PALS2: variants seen among roughly 807,000 people sequenced by gnomAD.
The protein encoded by PALS2 is protein PALS2.
Under a neutral mutation model 61.6 loss-of-function variants are expected in PALS2, and 27 were observed. The observed-to-expected ratio is 0.44, with a 90% confidence interval of 0.32 to 0.60. The LOEUF (loss-of-function observed/expected upper bound fraction) is 0.60. Among genes scored for constraint, PALS2 ranks in the 20% least tolerant of loss-of-function variants. The pLI, the probability that PALS2 is intolerant of heterozygous loss-of-function variation, is 0.05. For missense variants in PALS2, 554 were observed against 639.4 expected, an observed-to-expected ratio of 0.87 and a Z score of 1.44; for synonymous variants, 236 against 218.6, an observed-to-expected ratio of 1.08 and a Z score of -0.70.
chr7:24,681,436 A>C (rs1331884398), intron 11 of PALS2, among the ~76,000 whole-genome samples: 1 of 152,152 alleles, frequency 6.6e-6, no homozygotes, highest in African/African-American at 2.4e-5. Context: ...AGAGATAAAG[A>C]CATTTAAAAC....
rs1394906144 is a variant in PALS2 at position 24,693,763 on chromosome 7, T to G, written c.*6149T>G. 1 of 152,180 alleles carries G rather than the reference T, an allele frequency of 6.6e-6. No homozygotes were observed. The allele number at this position is 152,180 out of a possible 1,614,324, so 9.4% of individuals were successfully genotyped here. ...ATTTTTTTTTAAAGAAGTGATATGT[T>G]GGACTCTGTTGTAGAAGAATGAGCA... On this transcript the variant is annotated 3_prime_UTR_variant, in exon 12 of 12. Coordinates refer to ENST00000222644, the MANE Select transcript of PALS2 (RefSeq NM_001303037.2).
At chr7:24,644,746 A>T (rs182265842) in intron 3 of PALS2, among the ~76,000 whole-genome samples, 18 of 152,216 alleles carry the variant, frequency 1.2e-4, no homozygotes, top group Admixed American at 1.2e-3. Flanking sequence ...TGGTTGAGCT[A>T]ATATACATTC....
intron 5 of PALS2, among the ~76,000 whole-genome samples, chr7:24,651,801 A>T (rs1451626936): frequency 6.6e-6 from 1 of 152,190 alleles, no homozygotes; most frequent in Non-Finnish European, 1.5e-5. Flanking sequence ...CTTATTTCAT[A>T]TTGTTAAAAT....
intron 10 of PALS2, among the ~76,000 whole-genome samples, chr7:24,679,864 A>G (rs1261126419): frequency 2.0e-5 from 3 of 152,070 alleles, no homozygotes; most frequent in African/African-American, 4.8e-5. Context: ...TATGCCTTAA[A>G]TACAAATATA....
At chr7:24,624,425 C>A (rs1051710039) in intron 2 of PALS2, among the ~76,000 whole-genome samples, 1 of 152,044 alleles carries the variant, frequency 6.6e-6, no homozygotes, top group African/African-American at 2.4e-5. Context: ...CTTCTTTGAT[C>A]TTTTCTTCAT....
chr7:24,659,003 T>C (rs1404103677), intron 5 of PALS2, among the ~76,000 whole-genome samples: 3 of 152,164 alleles, frequency 2.0e-5, no homozygotes, highest in Non-Finnish European at 4.4e-5. Context: ...ACCCTCCTCT[T>C]ATCCTCTGCC....
Position 24,689,834 on chromosome 7 carries a change from C to A in PALS2, c.*2220C>A, listed in dbSNP as rs1184627499. ...TGAAATTTTAAGAGAAATTTCAGTT[C>A]TTCACTCAGGAAATGTGCTGTATTC... On this transcript the variant is annotated 3_prime_UTR_variant, in exon 12 of 12. Transcript: ENST00000222644. 6.6e-6 allele frequency: 1 copy of A among 152,110 alleles called. No individual in the cohort carries two copies. The highest frequency in any genetic ancestry group is 1.5e-5 in the Non-Finnish European group (1 of 68,008). 9.4% of individuals were successfully genotyped at this position (152,110 alleles called of 1,614,324 possible). A position where few individuals can be genotyped will look rare whatever the true frequency, so the allele number is the denominator to read the frequency against.
At chr7:24,646,914 T>A (rs950426720) in intron 3 of PALS2, among the ~76,000 whole-genome samples, 3 of 152,162 alleles carry the variant, frequency 2.0e-5, no homozygotes, top group Non-Finnish European at 2.9e-5. Flanking sequence ...ATCTCTCTTC[T>A]AGGTTTTCTG....
intron 3 of PALS2, among the ~76,000 whole-genome samples, chr7:24,643,647 G>C (rs1785678616): frequency 6.6e-6 from 1 of 152,142 alleles, no homozygotes; most frequent in Non-Finnish European, 1.5e-5. Context: ...ATGTGTGGCA[G>C]CTGGTTGCAC....
At chr7:24,619,428 C>G (rs1784408633) in intron 1 of PALS2, among the ~76,000 whole-genome samples, 1 of 151,852 alleles carries the variant, frequency 6.6e-6, no homozygotes, top group African/African-American at 2.4e-5. Context: ...TGTAAGAATC[C>G]CATTTATGGC....
At chr7:24,619,470 C>G (rs1170348522) in intron 1 of PALS2, among the ~76,000 whole-genome samples, 1 of 151,612 alleles carries the variant, frequency 6.6e-6, no homozygotes. Context: ...GTAATCCCAG[C>G]ACTTTGGGAG....
intron 2 of PALS2, among the ~76,000 whole-genome samples, chr7:24,638,317 A>ATTTTTTTTT (rs1562631729): frequency 7.0e-5 from 1 of 14,252 alleles, no homozygotes; most frequent in East Asian, 3.8e-3. Flanking sequence ...CAATTTCTGT[A>ATTTTTTTTT]TTTTCTTTTT....
intron 1 of PALS2, among the ~76,000 whole-genome samples, chr7:24,588,131 T>C (rs1783143563): frequency 6.6e-6 from 1 of 152,168 alleles, no homozygotes; most frequent in South Asian, 2.1e-4. Flanking sequence ...CTGACAGCAG[T>C]GCGAAGATTG....
chr7:24,677,460 G>A (rs888783233), intron 9 of PALS2, among the ~76,000 whole-genome samples: 9 of 151,802 alleles, frequency 5.9e-5, no homozygotes, highest in African/African-American at 2.2e-4. Flanking sequence ...AGTTTTCAAA[G>A]GGAATGCTTC....
At chr7:24,599,825 A>AT (rs987140446) in intron 1 of PALS2, among the ~76,000 whole-genome samples, 1 of 151,602 alleles carries the variant, frequency 6.6e-6, no homozygotes, top group Admixed American at 6.6e-5. Context: ...TTTTCTATTA[A>AT]TTTTTTTTAA....
chr7:24,584,896 C>T (rs1782999087), intron 1 of PALS2, among the ~76,000 whole-genome samples: 1 of 151,966 alleles, frequency 6.6e-6, no homozygotes, highest in South Asian at 2.1e-4. Flanking sequence ...GCCAGTGGTC[C>T]CAGCACCATT....
Position 24,688,728 on chromosome 7 carries a change from T to G in PALS2, c.*1114T>G, listed in dbSNP as rs1158731908. On this transcript the variant is annotated 3_prime_UTR_variant, in exon 12 of 12. Coordinates refer to ENST00000222644, the MANE Select transcript of PALS2 (RefSeq NM_001303037.2). ...ATACATACACACAAAATATATACAT[T>G]ATATAATATGTATATTATGTATTAT... 3 of 149,768 alleles carry G rather than the reference T, an allele frequency of 2.0e-5. No homozygotes were observed. The highest frequency in any genetic ancestry group is 7.3e-5 in the African/African-American group (3 of 41,006). 9.3% of individuals were successfully genotyped at this position (149,768 alleles called of 1,614,324 possible).
At chr7:24,608,510 A>G (rs1195909757) in intron 1 of PALS2, among the ~76,000 whole-genome samples, 1 of 152,054 alleles carries the variant, frequency 6.6e-6, no homozygotes, top group African/African-American at 2.4e-5. Flanking sequence ...CATATTTGTC[A>G]TCTTTGTTCT....
intron 7 of PALS2, 70 bp from the exon 8 acceptor site, chr7:24,665,951 A>G: frequency 7.0e-7 from 1 of 1,435,322 alleles, no homozygotes; most frequent in Non-Finnish European, 9.7e-7. Flanking sequence ...CACCCCTGTA[A>G]AATACTATAG....
Sources: gnomAD v4.1 joint callset for allele counts (sites outside exome capture counted in the v4.1 genomes callset) on GRCh38, gnomAD v4.1.1 for gene constraint, MANE v1.5 for transcripts, NCBI Gene and HGNC (gene_info 2026-07-23, HGNC 2026-07-21) for gene names.